DNAH7: variants seen among roughly 807,000 people sequenced by gnomAD.
DNAH7 encodes dynein axonemal heavy chain 7.
In DNAH7, 397 loss-of-function variants were observed where a neutral mutation model predicts 444.6. The ratio of observed to expected loss-of-function variants is 0.89; its 90% CI spans 0.82 to 0.97. DNAH7 has a LOEUF of 0.97. Ranked by LOEUF, DNAH7 falls within the 50% of genes least tolerant of loss-of-function variation. The pLI, the probability that DNAH7 is intolerant of heterozygous loss-of-function variation, is 0.00. For missense variants in DNAH7, 4,902 were observed against 4,800.8 expected, an observed-to-expected ratio of 1.02 and a Z score of -0.62; for synonymous variants, 1,636 against 1,624.4, an observed-to-expected ratio of 1.01 and a Z score of -0.17.
intron 19 of DNAH7, among the ~76,000 whole-genome samples, chr2:195,947,088 T>C (rs1193416477): frequency 3.4e-5 from 5 of 148,038 alleles, no homozygotes; most frequent in Non-Finnish European, 7.4e-5. Context: ...CAATTATATA[T>C]ATATTTATAT....
chr2:195,779,255 T>A (rs913822558), intron 58 of DNAH7, among the ~76,000 whole-genome samples: 2 of 152,242 alleles, frequency 1.3e-5, no homozygotes, highest in Non-Finnish European at 2.9e-5. Context: ...AACACTTTCA[T>A]TGCTTCTAAT....
chr2:195,875,891 T>C (rs1701024296), intron 37 of DNAH7, 48 bp from the exon 38 acceptor site: 10 of 1,545,824 alleles, frequency 6.5e-6, no homozygotes, highest in Non-Finnish European at 8.8e-6. Flanking sequence ...CATCTCAACA[T>C]ACAGTCCTAT....
At chr2:195,932,603 A>T (rs943979678) in intron 21 of DNAH7, among the ~76,000 whole-genome samples, 1 of 151,996 alleles carries the variant, frequency 6.6e-6, no homozygotes, top group Admixed American at 6.6e-5. Flanking sequence ...ATCAATACCT[A>T]ATTTATTGAG....
At chr2:195,833,421 G>A (rs887569417) in intron 48 of DNAH7, among the ~76,000 whole-genome samples, 1 of 152,098 alleles carries the variant, frequency 6.6e-6, no homozygotes, top group African/African-American at 2.4e-5. Context: ...AAGACTACCT[G>A]GAATATTTAT....
At chr2:195,756,858 G>A (rs1694098240) in intron 61 of DNAH7, among the ~76,000 whole-genome samples, 1 of 151,980 alleles carries the variant, frequency 6.6e-6, no homozygotes, top group African/African-American at 2.4e-5. Flanking sequence ...TGGGTGTGGT[G>A]GTGCACGCCT....
chr2:195,883,275 G>A (rs1464005833), intron 35 of DNAH7, among the ~76,000 whole-genome samples: 1 of 151,974 alleles, frequency 6.6e-6, no homozygotes, highest in South Asian at 2.1e-4. Flanking sequence ...GTGAAACCCC[G>A]TCTCTACTAA....
chr2:196,025,528 C>T (rs1256304744), intron 7 of DNAH7, among the ~76,000 whole-genome samples: 3 of 152,118 alleles, frequency 2.0e-5, no homozygotes, highest in Admixed American at 6.5e-5. Flanking sequence ...CTCTCATGGG[C>T]GTCTGCTATC....
In DNAH7 at chr2:195,748,792, G is replaced by A. The variant is rs1406473419; in HGVS notation, c.11764+5545C>T. ...AAAACTGGCTAGCCATATGCAGAAA[G>A]CTGAAACTGGATCCCTTCCTTACAC... On this transcript the variant is annotated intron_variant, in intron 63 of 64. Transcript: ENST00000312428. Among the ~76,000 whole-genome samples the A allele has an allele frequency of 5.3e-5, 8 of 152,256 alleles. No individual in the cohort carries two copies. The South Asian group carries it at 1.7e-3, about 32-fold the overall frequency.
At chr2:195,839,076 T>C (rs1698536955) in intron 47 of DNAH7, among the ~76,000 whole-genome samples, 1 of 151,902 alleles carries the variant, frequency 6.6e-6, no homozygotes, top group African/African-American at 2.4e-5. Flanking sequence ...AGGATATTTT[T>C]TCCAAGTGCA....
intron 48 of DNAH7, among the ~76,000 whole-genome samples, chr2:195,831,351 T>C (rs1441976905): frequency 6.6e-6 from 1 of 152,248 alleles, no homozygotes; most frequent in African/African-American, 2.4e-5. Context: ...CTGCTCTGGC[T>C]GAAGTAGAGG....
chr2:195,831,783 A>G (rs1698083851), intron 48 of DNAH7, among the ~76,000 whole-genome samples: 2 of 152,246 alleles, frequency 1.3e-5, no homozygotes, highest in South Asian at 4.1e-4. Flanking sequence ...CACTCCTCTT[A>G]ACTGGCTTAA....
chr2:195,841,460 T>C (rs2124992847), intron 47 of DNAH7, among the ~76,000 whole-genome samples: 1 of 151,918 alleles, frequency 6.6e-6, no homozygotes, highest in East Asian at 1.9e-4. Flanking sequence ...TGGGCTTCCA[T>C]AGAATAACAT....
At chr2:195,742,519 T>G (rs1394401189) in intron 63 of DNAH7, among the ~76,000 whole-genome samples, 1 of 152,218 alleles carries the variant, frequency 6.6e-6, no homozygotes, top group African/African-American at 2.4e-5. Context: ...ATCAATTGTA[T>G]AGGAGATATA....
chr2:196,056,546 G>A (rs1697819743), intron 2 of DNAH7, among the ~76,000 whole-genome samples: 1 of 152,086 alleles, frequency 6.6e-6, no homozygotes, highest in South Asian at 2.1e-4. Context: ...GAAGAGGATG[G>A]GAGTCAACAT....
At chr2:196,042,951 G>C (rs1321555752) in intron 5 of DNAH7, among the ~76,000 whole-genome samples, 1 of 152,006 alleles carries the variant, frequency 6.6e-6, no homozygotes, top group Non-Finnish European at 1.5e-5. Flanking sequence ...TAAATGCCAT[G>C]AATAAACCTC....
At chr2:195,816,174 G>C (rs144266460) in intron 51 of DNAH7, among the ~76,000 whole-genome samples, 6 of 152,170 alleles carry the variant, frequency 3.9e-5, no homozygotes, top group African/African-American at 1.4e-4. Flanking sequence ...TAATAGAAAA[G>C]AAGATCTATT....
At position 195,885,522 on chromosome 2, in the gene DNAH7, A is replaced by G. The variant is rs77573654; in HGVS notation, c.5538+619T>C. Among the ~76,000 whole-genome samples the G allele has an allele frequency of 1.5e-3, 220 of 151,504 alleles. 3 individuals are homozygous for G. In the East Asian group the frequency reaches 0.034, roughly 23 times the overall value. ...TCTCTCCAGAAACCATTTAACACTA[A>G]ATTAAAAATTAATTTCTTTTAAAAC... On this transcript the variant is annotated intron_variant, in intron 34 of 64. Coordinates refer to ENST00000312428, the MANE Select transcript of DNAH7 (RefSeq NM_018897.3).
chr2:195,764,382 T>C (rs1252160020), intron 61 of DNAH7, among the ~76,000 whole-genome samples: 1 of 152,128 alleles, frequency 6.6e-6, no homozygotes, highest in Non-Finnish European at 1.5e-5. Context: ...CTGGAAGTCC[T>C]AGTTGGAGCA....
chr2:196,021,618 G>A (rs1196633586), intron 8 of DNAH7, among the ~76,000 whole-genome samples: 2 of 151,598 alleles, frequency 1.3e-5, no homozygotes, highest in Admixed American at 1.3e-4. Flanking sequence ...CCAGGAGTTC[G>A]AGACCAGCCT....
Sources: allele counts gnomAD v4.1 joint callset (sites outside exome capture counted in the v4.1 genomes callset), GRCh38; gene constraint gnomAD v4.1.1; transcripts MANE v1.5; gene names NCBI Gene and HGNC (gene_info 2026-07-23, HGNC 2026-07-21).